EFR3A: variants seen among roughly 807,000 people sequenced by gnomAD.
EFR3A encodes EFR3 homolog A.
A neutral mutation model predicts 104.4 loss-of-function variants in EFR3A; 76 were observed. The ratio of observed to expected loss-of-function variants is 0.73; its 90% confidence interval spans 0.60 to 0.88. The LOEUF is 0.88. Among genes scored for constraint, EFR3A ranks in the 40% least tolerant of loss-of-function variants. The pLI is 0.00. For synonymous variants in EFR3A, 330 were observed against 330.0 expected (o/e 1.00, Z 0.00); for missense variants, 985 against 1,012.5 (o/e 0.97, Z 0.37).
chr8:131,922,658 G>T (rs1321533885), intron 1 of EFR3A, among the ~76,000 whole-genome samples: 1 of 152,092 alleles, frequency 6.6e-6, no homozygotes, highest in Non-Finnish European at 1.5e-5. Flanking sequence ...ATTCTGACTA[G>T]TAAATGGACA....
intron 4 of EFR3A, among the ~76,000 whole-genome samples, chr8:131,949,506 T>G (rs549717056): frequency 6.6e-6 from 1 of 152,276 alleles, no homozygotes; most frequent in African/African-American, 2.4e-5. Flanking sequence ...AAGTTTATTA[T>G]TAAAAAGTTT....
rs919463996 is a variant in EFR3A at position 132,009,842 on chromosome 8, AT to A, written c.2361-940del. ...ACTAAAAATTATAAGGAAATAATTG[AT>A]TTTTTTTGGTAAGGCTTTTAAGCAT... is the stretch of plus-strand genomic sequence containing the variant. On this transcript the variant is annotated intron_variant, in intron 22 of 22. Coordinates refer to ENST00000254624, the MANE Select transcript of EFR3A (RefSeq NM_015137.6). Among the ~76,000 whole-genome samples, 12 of 152,050 alleles carry A rather than the reference AT, an allele frequency of 7.9e-5. No individual in the cohort carries two copies. The South Asian group carries it at 8.3e-4, about 11-fold the overall frequency.
intron 20 of EFR3A, 79 bp from the exon 21 acceptor site, chr8:132,002,524 A>G (rs2130805714): frequency 2.5e-6 from 3 of 1,181,946 alleles, no homozygotes; most frequent in South Asian, 3.1e-5. Flanking sequence ...ATGATATATC[A>G]TTAACTCTTA....
chr8:131,950,096 TA>T lies in EFR3A; in HGVS notation c.488+7del. The stretch of plus-strand genomic sequence containing the variant: ...GATCCAGAAATACGAACAGAGTATG[TA>T]TTATTTTACTTTATGATCTATAGTA... On this transcript the variant is annotated splice_region_variant and intron_variant, in intron 5 of 22. Coordinates refer to ENST00000254624, the MANE Select transcript of EFR3A (RefSeq NM_015137.6). 6.3e-7 allele frequency: 1 copy of T among 1,599,322 alleles called. No homozygotes were observed. The highest frequency in any genetic ancestry group is 2.3e-5 in the East Asian group (1 of 44,246).
At chr8:131,986,586 C>A (rs1179049082) in intron 17 of EFR3A, among the ~76,000 whole-genome samples, 1 of 151,930 alleles carries the variant, frequency 6.6e-6, no homozygotes, top group Non-Finnish European at 1.5e-5. Context: ...GAGTTTTAGA[C>A]CAGCTTGGCC....
At chr8:131,974,256 A>G (rs1185836577) in intron 10 of EFR3A, among the ~76,000 whole-genome samples, 1 of 152,218 alleles carries the variant, frequency 6.6e-6, no homozygotes, top group Non-Finnish European at 1.5e-5. Context: ...AGAGGAAACT[A>G]TTCCACGCAT....
At chr8:131,921,640 C>A (rs1410592599) in intron 1 of EFR3A, among the ~76,000 whole-genome samples, 1 of 152,100 alleles carries the variant, frequency 6.6e-6, no homozygotes, top group Non-Finnish European at 1.5e-5. Context: ...CCCAGACATT[C>A]ATTTACCTAA....
chr8:131,948,815 T>C (rs773381223), intron 4 of EFR3A, among the ~76,000 whole-genome samples: 14 of 152,140 alleles, frequency 9.2e-5, no homozygotes, highest in Non-Finnish European at 1.9e-4. Context: ...CCTGGTGGTC[T>C]AATTTTCTTA....
intron 8 of EFR3A, among the ~76,000 whole-genome samples, chr8:131,963,830 C>G (rs1171283441): frequency 1.3e-5 from 2 of 152,180 alleles, no homozygotes; most frequent in Non-Finnish European, 2.9e-5. Flanking sequence ...CAATAAAATA[C>G]TGGCAAACCA....
At position 131,904,285 on chromosome 8, in the gene EFR3A, T is replaced by C; in HGVS notation, c.-28T>C. 1 of 1,271,300 alleles carries C rather than the reference T, an allele frequency of 7.9e-7. No individual in the cohort carries two copies. The highest frequency in any genetic ancestry group is 2.7e-5 in the South Asian group (1 of 37,488). The allele number at this position is 1,271,300 out of a possible 1,614,324, so 78.8% of individuals were successfully genotyped here. Reference sequence around the variant, plus strand: ...CCTGCGCGGCCCCGCTGAGCCTCGGTGCGGCGGCGAGCGCGGTCGAGATCG... The same window carrying C: ...CCTGCGCGGCCCCGCTGAGCCTCGGCGCGGCGGCGAGCGCGGTCGAGATCG... On this transcript the variant is annotated 5_prime_UTR_variant, in exon 1 of 23. Transcript: ENST00000254624.
At chr8:131,988,779 C>T (rs914176543) in intron 18 of EFR3A, among the ~76,000 whole-genome samples, 1 of 152,124 alleles carries the variant, frequency 6.6e-6, no homozygotes, top group African/African-American at 2.4e-5. Context: ...TTTTCCCTTA[C>T]CTGTCCTCTA....
At chr8:131,934,851 C>G (rs901829075) in intron 1 of EFR3A, among the ~76,000 whole-genome samples, 1 of 151,936 alleles carries the variant, frequency 6.6e-6, no homozygotes, top group African/African-American at 2.4e-5. Context: ...GTTTTGGTAC[C>G]TGGAAAGGAT....
intron 8 of EFR3A, among the ~76,000 whole-genome samples, chr8:131,963,254 A>C (rs1401970602): frequency 6.6e-6 from 1 of 152,194 alleles, no homozygotes; most frequent in African/African-American, 2.4e-5. Context: ...GACACAAAAA[A>C]CCCTTCAAAA....
chr8:131,923,102 T>A (rs897535228), intron 1 of EFR3A, among the ~76,000 whole-genome samples: 1 of 152,154 alleles, frequency 6.6e-6, no homozygotes, highest in Non-Finnish European at 1.5e-5. Flanking sequence ...TGAAAAATGT[T>A]ATGCTTTATT....
At chr8:131,969,800 C>T (rs1429433389) in intron 9 of EFR3A, among the ~76,000 whole-genome samples, 1 of 152,106 alleles carries the variant, frequency 6.6e-6, no homozygotes, top group Non-Finnish European at 1.5e-5. Context: ...TTAATGTCTA[C>T]TGTGTGTTAG....
chr8:131,977,324 A>G (rs1820374550), intron 12 of EFR3A, among the ~76,000 whole-genome samples: 1 of 152,106 alleles, frequency 6.6e-6, no homozygotes, highest in African/African-American at 2.4e-5. Context: ...GGCAGAAACT[A>G]TTGCTGTCTT....
At position 131,986,992 on chromosome 8, in the gene EFR3A, C is replaced by T. The variant is rs200625490; in HGVS notation, c.1938-583C>T. ...AAGAAAGAATGTATTAAGGAAAATC[C>T]GTGTTATTTCCTGCATTATTTCTTG... On this transcript the variant is annotated intron_variant, in intron 17 of 22. Transcript: ENST00000254624. Among the ~76,000 whole-genome samples the T allele has an allele frequency of 7.9e-5, 12 of 151,876 alleles. No homozygotes were observed. In the South Asian group the frequency reaches 1.0e-3, roughly 13 times the overall value.
At chr8:131,986,422 A>ATTATTATATAT (rs1820885596) in intron 17 of EFR3A, among the ~76,000 whole-genome samples, 161 bp downstream of exon 17, 1 of 152,106 alleles carries the variant, frequency 6.6e-6, no homozygotes, top group African/African-American at 2.4e-5. Flanking sequence ...CCCTTGTTAT[A>ATTATTATATAT]AAAGGGCCTG....
At chr8:131,927,289 A>G (rs776622039) in intron 1 of EFR3A, among the ~76,000 whole-genome samples, 7 of 152,190 alleles carry the variant, frequency 4.6e-5, no homozygotes, top group African/African-American at 9.6e-5. Context: ...CCTATTCTTC[A>G]TACATGTTAG....
Sources: gnomAD v4.1 joint callset for allele counts (sites outside exome capture counted in the v4.1 genomes callset) on GRCh38, gnomAD v4.1.1 for gene constraint, MANE v1.5 for transcripts, NCBI Gene and HGNC (gene_info 2026-07-23, HGNC 2026-07-21) for gene names.